Variants in SLC4A5 observed in about 807,000 individuals in gnomAD.
SLC4A5 encodes solute carrier family 4 member 5.
Under a neutral mutation model 120.4 loss-of-function variants are expected in SLC4A5, and 96 were observed. That is an observed-to-expected ratio of 0.80 (90% CI 0.68 to 0.94). SLC4A5 has a LOEUF of 0.94. Ranked by LOEUF, SLC4A5 falls within the 40% of genes least tolerant of loss-of-function variation. The pLI, the probability that SLC4A5 is intolerant of heterozygous loss-of-function variation, is 0.00. For synonymous variants in SLC4A5, 550 were observed against 571.1 expected (o/e 0.96, Z 0.53); for missense variants, 1,259 against 1,459.5 (o/e 0.86, Z 2.24).
chr2:74,222,683 C>G (rs897864492), intron 29 of SLC4A5, among the ~76,000 whole-genome samples, 185 bp downstream of exon 29: 1 of 152,204 alleles, frequency 6.6e-6, no homozygotes, highest in Admixed American at 6.5e-5. Flanking sequence ...AACCATTCCC[C>G]ACTCCCTACT....
intron 30 of SLC4A5, among the ~76,000 whole-genome samples, chr2:74,221,087 C>A (rs1262160304): frequency 2.0e-5 from 3 of 152,170 alleles, no homozygotes; most frequent in Non-Finnish European, 4.4e-5. Context: ...TCGTGATCCA[C>A]CCGCCTTGGC....
chr2:74,230,321 T>C lies in SLC4A5; in HGVS notation c.2847+915A>G, dbSNP rs539644786. Among the ~76,000 whole-genome samples, 45 of 152,340 alleles carry C rather than the reference T, an allele frequency of 3.0e-4. 2 individuals are homozygous for C. The South Asian group carries it at 9.1e-3, about 31-fold the overall frequency. ...AGCCTGGTGGGAACACCTTGCTTTC[T>C]GGAGTCTCTCCAGAAAGAGACCCTT... On this transcript the variant is annotated intron_variant, in intron 25 of 30. Coordinates refer to ENST00000394019, the Ensembl canonical transcript of SLC4A5.
intron 5 of SLC4A5, among the ~76,000 whole-genome samples, chr2:74,326,996 G>A (rs1247861431): frequency 6.6e-6 from 1 of 152,066 alleles, no homozygotes; most frequent in East Asian, 1.9e-4. Flanking sequence ...TGGTGTTTAG[G>A]TGCCCACCCC....
At chr2:74,230,452 C>T (rs1335581956) in intron 25 of SLC4A5, among the ~76,000 whole-genome samples, 2 of 152,126 alleles carry the variant, frequency 1.3e-5, no homozygotes, top group Non-Finnish European at 2.9e-5. Context: ...AAAAGTCACT[C>T]GAGTCCCCAG....
intron 19 of SLC4A5, 55 bp downstream of exon 19, chr2:74,246,981 C>A: frequency 6.3e-7 from 1 of 1,590,406 alleles, no homozygotes; most frequent in Non-Finnish European, 8.6e-7. Flanking sequence ...GGTGAAGGAT[C>A]AGGGGGCCGG....
intron 14 of SLC4A5, among the ~76,000 whole-genome samples, chr2:74,254,352 G>GC (rs1325905317): frequency 1.3e-5 from 2 of 152,162 alleles, no homozygotes; most frequent in Admixed American, 1.3e-4. Flanking sequence ...TAGCTTTAAA[G>GC]CCCCCTCATC....
At chr2:74,310,959 T>C (rs1385051738) in intron 6 of SLC4A5, among the ~76,000 whole-genome samples, 2 of 149,628 alleles carry the variant, frequency 1.3e-5, no homozygotes, top group Non-Finnish European at 2.9e-5. Flanking sequence ...TGGTAAGTTG[T>C]TAATTATTAT....
Position 74,314,863 on chromosome 2 carries a change from T to G in SLC4A5, c.79+82A>C, listed in dbSNP as rs185125589. On this transcript the variant is annotated intron_variant, in intron 6 of 30. Coordinates refer to ENST00000394019, the Ensembl canonical transcript of SLC4A5. Reference sequence around the variant, plus strand: ...AAGGGACCTGCTCCCTAGACTCTCCTGCTGAAAGAGCTGTCATAAAGACAT... The same window carrying G: ...AAGGGACCTGCTCCCTAGACTCTCCGGCTGAAAGAGCTGTCATAAAGACAT... The G allele has an allele frequency of 3.1e-6, 4 of 1,295,162 alleles. No homozygotes were observed. In the Admixed American group the frequency reaches 6.7e-5, roughly 22 times the overall value. 80.2% of individuals were successfully genotyped at this position (1,295,162 alleles called of 1,614,324 possible). A position where few individuals can be genotyped will look rare whatever the true frequency, so the allele number is the denominator to read the frequency against.
chr2:74,218,490 A>G (rs891386083), exon 31 of SLC4A5: 6 of 152,224 alleles, frequency 3.9e-5, no homozygotes, highest in South Asian at 2.1e-4. Flanking sequence ...CTTTTCATCA[A>G]TAGATCTCCA....
intron 19 of SLC4A5, among the ~76,000 whole-genome samples, chr2:74,245,370 G>A (rs1670578222): frequency 1.3e-5 from 2 of 152,134 alleles, no homozygotes; most frequent in South Asian, 2.1e-4. Context: ...TTCTAAAAGA[G>A]ATCAAGGATG....
At chr2:74,326,550 G>C (rs1272084599) in intron 5 of SLC4A5, among the ~76,000 whole-genome samples, 3 of 152,232 alleles carry the variant, frequency 2.0e-5, no homozygotes, top group African/African-American at 7.2e-5. Context: ...GCCACGTGCA[G>C]TGGCTCACGC....
chr2:74,255,734 T>C lies in SLC4A5; in HGVS notation c.1025+41A>G, dbSNP rs542497241. On this transcript the variant is annotated intron_variant, in intron 13 of 30. Transcript: ENST00000394019. The surrounding 1 kb of genome is among the most constrained non-coding windows in gnomAD (Gnocchi z 4.0). ...CTTGCTGACTGCACTGCTGACTGGC[T>C]ACCTGAGAGTGGCGTGGGGACAGGT... The C allele has an allele frequency of 6.2e-7, 1 of 1,610,248 alleles. No individual in the cohort carries two copies. Among genetic ancestry groups the C allele is most frequent in the South Asian group, 1.1e-5 (1 of 90,814 alleles).
At chr2:74,330,489 A>G (rs535563820) in intron 4 of SLC4A5, among the ~76,000 whole-genome samples, 5 of 150,946 alleles carry the variant, frequency 3.3e-5, no homozygotes, top group African/African-American at 9.8e-5. Context: ...GGTGAGGTGT[A>G]GATGGTGGTG....
chr2:74,317,941 C>T (rs915513794), intron 5 of SLC4A5, among the ~76,000 whole-genome samples: 1 of 152,128 alleles, frequency 6.6e-6, no homozygotes, highest in African/African-American at 2.4e-5. Context: ...ACCAGAATGA[C>T]AGATACCAAA....
At position 74,250,323 on chromosome 2, in the gene SLC4A5, G is replaced by A. The variant is rs372631495; in HGVS notation, c.1653+20C>T. 1.9e-6 allele frequency: 3 copies of A among 1,609,252 alleles called. No individual in the cohort carries two copies. The highest frequency in any genetic ancestry group is 2.5e-6 in the Non-Finnish European group (3 of 1,176,790). On this transcript the variant is annotated intron_variant, in intron 17 of 30. Coordinates refer to ENST00000394019, the Ensembl canonical transcript of SLC4A5. ...GCGGCAGATCTTACTTTTACACTCA[G>A]GGCACCGGCTCGCACACACCTGATA...
intron 14 of SLC4A5, among the ~76,000 whole-genome samples, 161 bp downstream of exon 14, chr2:74,254,458 A>C (rs921266792): frequency 1.3e-5 from 2 of 152,216 alleles, no homozygotes; most frequent in African/African-American, 4.8e-5. Flanking sequence ...CCTAAAGGAC[A>C]ATGACTATTC....
chr2:74,283,704 G>A (rs1044182842), intron 8 of SLC4A5, among the ~76,000 whole-genome samples: 3 of 152,202 alleles, frequency 2.0e-5, no homozygotes, highest in African/African-American at 7.2e-5. Context: ...GCACGGTTGA[G>A]TCTATGCACT....
intron 25 of SLC4A5, among the ~76,000 whole-genome samples, chr2:74,228,430 C>T (rs904561067): frequency 6.6e-6 from 1 of 152,170 alleles, no homozygotes; most frequent in Non-Finnish European, 1.5e-5. Context: ...GAGTTTGAGA[C>T]CAGCCTGGCC....
intron 25 of SLC4A5, 88 bp from the exon 26 acceptor site, chr2:74,227,966 G>A (rs938505558): frequency 4.3e-6 from 4 of 921,322 alleles, no homozygotes; most frequent in Non-Finnish European, 6.4e-6. Flanking sequence ...CCTGACCACA[G>A]AGGCAGCTAG....
Sources: gnomAD v4.1 joint callset for allele counts (sites outside exome capture counted in the v4.1 genomes callset) on GRCh38, gnomAD v4.1.1 for gene constraint, Gnocchi (gnomAD v3.1) non-coding constraint, MANE v1.5 for transcripts, NCBI Gene and HGNC (gene_info 2026-07-23, HGNC 2026-07-21) for gene names.